KLF12: variants seen among roughly 807,000 people sequenced by gnomAD.
KLF12 encodes the protein Krueppel-like factor 12.
In KLF12, 9 loss-of-function variants were observed where a neutral mutation model predicts 37.8. The ratio of observed to expected loss-of-function variants is 0.24; its 90% CI spans 0.14 to 0.42. The LOEUF is 0.42. KLF12 is among the 10% of genes least tolerant of loss of function. The probability of loss-of-function intolerance (pLI) is 1.00; values close to 1 mark genes in which losing one functional copy is unlikely to be tolerated. For synonymous variants in KLF12, 208 were observed against 202.1 expected (o/e 1.03, Z -0.25); for missense variants, 411 against 516.0 (o/e 0.80, Z 1.97).
chr13:73,848,753 G>A (rs1004201128), intron 3 of KLF12, among the ~76,000 whole-genome samples: 4 of 151,784 alleles, frequency 2.6e-5, no homozygotes, highest in African/African-American at 9.7e-5. Context: ...ATATAGAAAA[G>A]GCTCACAAAA....
chr13:74,065,803 C>T (rs7322834), intron 1 of KLF12, among the ~76,000 whole-genome samples: 27,733 of 151,780 alleles, frequency 0.18, 2,714 homozygotes, highest in African/African-American at 0.24. Flanking sequence ...GGGCTGGCAA[C>T]GTAGAGGGCT....
At chr13:74,186,073 C>T in the KLF12 span, among the ~76,000 whole-genome samples, 188 of 152,200 alleles carry the variant, frequency 1.2e-3, no homozygotes, top group Non-Finnish European at 2.4e-3. Context: ...GTTTTATATA[C>T]ACCAGATGAT....
At chr13:74,267,489 C>A in the KLF12 span, among the ~76,000 whole-genome samples, 1 of 152,080 alleles carries the variant, frequency 6.6e-6, no homozygotes, top group African/African-American at 2.4e-5. Flanking sequence ...TACAGAAAGA[C>A]AAATATTGCA....
At chr13:74,180,191 T>C in the KLF12 span, among the ~76,000 whole-genome samples, 7 of 152,020 alleles carry the variant, frequency 4.6e-5, no homozygotes, top group Non-Finnish European at 1.0e-4. Context: ...GAACTAATAG[T>C]AGGTGTTTAG....
At chr13:74,292,342 A>G in the KLF12 span, among the ~76,000 whole-genome samples, 1 of 152,226 alleles carries the variant, frequency 6.6e-6, no homozygotes, top group African/African-American at 2.4e-5. Flanking sequence ...CTTGAAGGAT[A>G]ATGATGATAC....
chr13:73,997,151 G>A (rs1359670365), intron 1 of KLF12, among the ~76,000 whole-genome samples: 7 of 152,132 alleles, frequency 4.6e-5, no homozygotes, highest in Admixed American at 4.6e-4. Flanking sequence ...TTCATCTCTT[G>A]CCTTTCAGCC....
the KLF12 span, among the ~76,000 whole-genome samples, chr13:74,190,224 C>T: frequency 6.6e-6 from 1 of 152,012 alleles, no homozygotes; most frequent in Admixed American, 6.6e-5. Context: ...TCCGTGACAA[C>T]AACACACCAA....
chr13:74,259,756 A>T, the KLF12 span: 1 of 152,074 alleles, frequency 6.6e-6, no homozygotes, highest in South Asian at 2.1e-4. Context: ...TCTGATCCCC[A>T]TGATTAGGAT....
intron 3 of KLF12, among the ~76,000 whole-genome samples, chr13:73,932,049 T>G (rs1889711162): frequency 6.6e-6 from 1 of 151,974 alleles, no homozygotes; most frequent in Non-Finnish European, 1.5e-5. Context: ...GAAAAGAAAT[T>G]CCTTCTTTAT....
upstream of KLF12, among the ~76,000 whole-genome samples, chr13:74,135,739 G>A (rs558229027): frequency 5.3e-5 from 8 of 152,310 alleles, no homozygotes; most frequent in East Asian, 1.5e-3. Flanking sequence ...GAAATCGCCA[G>A]GGCTGTGGGA....
intron 5 of KLF12, among the ~76,000 whole-genome samples, chr13:73,769,971 C>T (rs532913671): frequency 5.9e-5 from 9 of 152,050 alleles, no homozygotes; most frequent in Non-Finnish European, 1.3e-4. Context: ...TGTACAAATA[C>T]GTTCTTTTTC....
chr13:74,176,715 C>T, the KLF12 span, among the ~76,000 whole-genome samples: 1 of 152,178 alleles, frequency 6.6e-6, no homozygotes, highest in African/African-American at 2.4e-5. Flanking sequence ...CATTTCCTTC[C>T]TTGTCCAATC....
the KLF12 span, among the ~76,000 whole-genome samples, chr13:74,300,323 T>C: frequency 1.3e-5 from 2 of 152,166 alleles, no homozygotes; most frequent in Non-Finnish European, 2.9e-5. Flanking sequence ...ATTGCTGGCA[T>C]ATTTCTGTCT....
At chr13:74,036,495 C>T (rs899214372) in intron 1 of KLF12, among the ~76,000 whole-genome samples, 36 of 152,232 alleles carry the variant, frequency 2.4e-4, no homozygotes, top group Non-Finnish European at 1.0e-4. Flanking sequence ...CGCACAAACA[C>T]ATGAACACCA....
chr13:73,971,031 A>G lies in KLF12; in HGVS notation c.33+23959T>C, dbSNP rs1006333134. Among the ~76,000 whole-genome samples the G allele has an allele frequency of 6.6e-5, 10 of 152,204 alleles. 1 individual carries two copies. Among genetic ancestry groups the G allele is most frequent in the African/African-American group, 2.4e-4 (10 of 41,454 alleles). ...AAAGTTGTCAGTAGTTTTCAAAGTTAAATTTTTATGGATTTTTAAGTGTTA... is the reference window on the plus strand; with the variant it reads ...AAAGTTGTCAGTAGTTTTCAAAGTTGAATTTTTATGGATTTTTAAGTGTTA... On this transcript the variant is annotated intron_variant, in intron 2 of 7. Coordinates refer to ENST00000377669, the MANE Select transcript of KLF12 (RefSeq NM_007249.5).
intron 2 of KLF12, among the ~76,000 whole-genome samples, chr13:73,957,080 G>A (rs542544109): frequency 1.9e-4 from 22 of 115,420 alleles, no homozygotes; most frequent in Non-Finnish European, 2.9e-4. Context: ...GGAAAGGAAA[G>A]GAAAGGAAAG....
chr13:73,811,410 T>G (rs1368652409), intron 5 of KLF12, among the ~76,000 whole-genome samples: 1 of 152,214 alleles, frequency 6.6e-6, no homozygotes, highest in Non-Finnish European at 1.5e-5. Flanking sequence ...CATCAACCTC[T>G]GATCCTCAGT....
chr13:73,976,590 C>T (rs749119787), intron 2 of KLF12, among the ~76,000 whole-genome samples: 16 of 152,110 alleles, frequency 1.1e-4, no homozygotes, highest in Non-Finnish European at 2.4e-4. Flanking sequence ...TATATAGAAG[C>T]CCATGTCATC....
At chr13:73,963,607 G>C (rs1234102291) in intron 2 of KLF12, among the ~76,000 whole-genome samples, 1 of 152,048 alleles carries the variant, frequency 6.6e-6, no homozygotes, top group Non-Finnish European at 1.5e-5. Flanking sequence ...AAGTTAAAAA[G>C]TTTTCGGAAA....
Sources: gnomAD v4.1 joint callset for allele counts (sites outside exome capture counted in the v4.1 genomes callset) on GRCh38, gnomAD v4.1.1 for gene constraint, MANE v1.5 for transcripts, NCBI Gene and HGNC (gene_info 2026-07-23, HGNC 2026-07-21) for gene names.